The following PPP3CB variants were observed in gnomAD, a reference collection of about 807,000 sequenced individuals.
The protein encoded by PPP3CB is protein phosphatase 3 catalytic subunit beta, also known as serine/threonine-protein phosphatase 2B catalytic subunit beta isoform.
Under a neutral mutation model 66.4 loss-of-function variants are expected in PPP3CB, and 8 were observed. The ratio of observed to expected loss-of-function variants is 0.12; its 90% CI spans 0.07 to 0.22. The LOEUF (loss-of-function observed/expected upper bound fraction) is 0.22. Among genes scored for constraint, PPP3CB ranks in the 10% least tolerant of loss-of-function variants. The pLI is 1.00. For synonymous variants in PPP3CB, 208 were observed against 221.2 expected, an observed-to-expected ratio of 0.94 and a Z score of 0.53; for missense variants, 319 against 642.5, an observed-to-expected ratio of 0.50 and a Z score of 5.44.
chr10:73,437,855 A>G lies in PPP3CB; in HGVS notation c.*387T>C, dbSNP rs1054335308. On this transcript the variant is annotated 3_prime_UTR_variant, in exon 14 of 14. Coordinates refer to ENST00000360663, the MANE Select transcript of PPP3CB (RefSeq NM_021132.4). Reference sequence around the variant, plus strand: ...TAAAGACATTTCATGGAAAAAGAAAAGTCCACATTAGCTCTTAGGATTGCA... The same window carrying G: ...TAAAGACATTTCATGGAAAAAGAAAGGTCCACATTAGCTCTTAGGATTGCA... 6.2e-6 allele frequency: 1 copy of G among 161,438 alleles called. No individual in the cohort carries two copies. Among genetic ancestry groups the G allele is most frequent in the Admixed American group, 6.4e-5 (1 of 15,536 alleles). 10.0% of individuals were successfully genotyped at this position (161,438 alleles called of 1,614,324 possible). A position where few individuals can be genotyped will look rare whatever the true frequency, so the allele number is the denominator to read the frequency against.
At chr10:73,485,072 A>C (rs1184171134) in intron 1 of PPP3CB, among the ~76,000 whole-genome samples, 1 of 152,104 alleles carries the variant, frequency 6.6e-6, no homozygotes, top group Non-Finnish European at 1.5e-5. Context: ...CCAATCAAAC[A>C]AAAAAGAGAG....
intron 8 of PPP3CB, among the ~76,000 whole-genome samples, chr10:73,470,094 G>A (rs549898928): frequency 6.6e-6 from 1 of 152,078 alleles, no homozygotes; most frequent in South Asian, 2.1e-4. Flanking sequence ...AGGGAAGGTG[G>A]GGAAATGAAA....
At chr10:73,446,104 CT>C (rs1431302457) in intron 11 of PPP3CB, among the ~76,000 whole-genome samples, 1 of 148,270 alleles carries the variant, frequency 6.7e-6, no homozygotes, top group Non-Finnish European at 1.5e-5. Context: ...TGCTTTTTTT[CT>C]TTCTTTTTTT....
At position 73,438,387 on chromosome 10, in the gene PPP3CB, C is replaced by T; in HGVS notation, c.1430G>A (p.Cys477Tyr). 6.2e-7 allele frequency: 1 copy of T among 1,613,314 alleles called. No homozygotes were observed. The highest frequency in any genetic ancestry group is 8.5e-7 in the Non-Finnish European group (1 of 1,179,276). The change falls in exon 14 of 14, where the codon TGC becomes TAC. Residue 477 changes from cysteine (C) to tyrosine (Y), a missense_variant. Physicochemically the swap from Cys to Tyr is radical, Grantham distance 194. Around this residue, in one of 5 missense-constraint regions of PPP3CB, gnomAD observed 120 missense variants for 331.2 expected, o/e 0.36. Coordinates refer to ENST00000360663, the MANE Select transcript of PPP3CB (RefSeq NM_021132.4). ...IRGFSPPHRI[C>Y]SFEEAKGLDR... The stretch of plus-strand genomic sequence containing the variant: ...CAAACCCTTTGCCTCTTCAAAACTG[C>T]AGATTCTATGTGGTGGAGAGAATCC...
chr10:73,436,527 A>C lies in PPP3CB; in HGVS notation c.*1715T>G, dbSNP rs991522741. 1.3e-5 allele frequency: 2 copies of C among 152,204 alleles called. No homozygotes were observed. Among genetic ancestry groups the C allele is most frequent in the African/African-American group, 4.8e-5 (2 of 41,444 alleles). 9.4% of individuals were successfully genotyped at this position (152,204 alleles called of 1,614,324 possible). A position where few individuals can be genotyped will look rare whatever the true frequency, so the allele number is the denominator to read the frequency against. On this transcript the variant is annotated 3_prime_UTR_variant, in exon 14 of 14. Transcript: ENST00000360663. The stretch of plus-strand genomic sequence containing the variant: ...GACAATAACATATTTTCTTTCAATT[A>C]AAAGACAATAAACAGTGATCTTAAA...
chr10:73,491,684 C>CT (rs1178960510), intron 1 of PPP3CB, among the ~76,000 whole-genome samples: 1 of 152,036 alleles, frequency 6.6e-6, no homozygotes, highest in Non-Finnish European at 1.5e-5. Flanking sequence ...AATAAGTAAT[C>CT]TGGCTAGGCA....
At chr10:73,446,458 T>A (rs897109185) in intron 11 of PPP3CB, 34 bp downstream of exon 11, 1 of 1,583,022 alleles carries the variant, frequency 6.3e-7, no homozygotes, top group Non-Finnish European at 8.7e-7. Flanking sequence ...ACGTAATTTC[T>A]GCAAAACAAA....
chr10:73,481,660 C>G (rs11000672), intron 1 of PPP3CB, among the ~76,000 whole-genome samples: 1 of 151,022 alleles, frequency 6.6e-6, no homozygotes, highest in South Asian at 2.1e-4. Context: ...GGTTAGATTC[C>G]TATCAATTAC....
intron 1 of PPP3CB, among the ~76,000 whole-genome samples, chr10:73,494,504 A>G (rs2057140471): frequency 6.6e-6 from 1 of 152,114 alleles, no homozygotes; most frequent in Non-Finnish European, 1.5e-5. Context: ...CATGTTGCCC[A>G]GGCTGGTCTC....
chr10:73,480,089 A>G (rs980208841), intron 1 of PPP3CB, among the ~76,000 whole-genome samples: 7 of 152,238 alleles, frequency 4.6e-5, no homozygotes, highest in African/African-American at 1.7e-4. Flanking sequence ...TCTAATAAGA[A>G]CATAAAAACA....
intron 10 of PPP3CB, among the ~76,000 whole-genome samples, chr10:73,447,606 A>T (rs1295277323): frequency 6.6e-6 from 1 of 152,222 alleles, no homozygotes; most frequent in Non-Finnish European, 1.5e-5. Context: ...AACAACTGTA[A>T]GTCTTCTGGG....
intron 9 of PPP3CB, among the ~76,000 whole-genome samples, chr10:73,458,388 C>T (rs545032407): frequency 5.1e-4 from 78 of 152,170 alleles, no homozygotes; most frequent in African/African-American, 1.8e-3. Context: ...CCACCCGCCC[C>T]GGCCTCCCAA....
At chr10:73,463,902 T>C (rs980875729) in intron 9 of PPP3CB, among the ~76,000 whole-genome samples, 1 of 151,898 alleles carries the variant, frequency 6.6e-6, no homozygotes, top group African/African-American at 2.4e-5. Context: ...CCCAAAGTGC[T>C]GAGATTACAG....
At chr10:73,453,855 C>T (rs545499169) in intron 10 of PPP3CB, among the ~76,000 whole-genome samples, 40 of 152,132 alleles carry the variant, frequency 2.6e-4, no homozygotes, top group Non-Finnish European at 4.4e-4. Flanking sequence ...TATAAACATG[C>T]ATTAGGTACA....
At chr10:73,457,610 T>C (rs1446976957) in intron 9 of PPP3CB, among the ~76,000 whole-genome samples, 2 of 151,888 alleles carry the variant, frequency 1.3e-5, no homozygotes, top group Non-Finnish European at 2.9e-5. Context: ...TGGTGGCACA[T>C]GCCTGTAATC....
At chr10:73,488,894 A>C (rs1316932489) in intron 1 of PPP3CB, among the ~76,000 whole-genome samples, 1 of 152,204 alleles carries the variant, frequency 6.6e-6, no homozygotes, top group Non-Finnish European at 1.5e-5. Flanking sequence ...ATACTAGTTC[A>C]AGTTCTTATC....
rs530923400 is a variant in PPP3CB at position 73,462,444 on chromosome 10, T to A, written c.1108+5109A>T. Among the ~76,000 whole-genome samples, 24 of 152,198 alleles carry A rather than the reference T, an allele frequency of 1.6e-4. No homozygotes were observed. In the South Asian group the frequency reaches 5.0e-3, roughly 32 times the overall value. Reference sequence around the variant, plus strand: ...AGGGTCCTACTGGGAGCTCAGCTAATGTTATAAATCAAGGGGTGGTGCCAA... The same window carrying A: ...AGGGTCCTACTGGGAGCTCAGCTAAAGTTATAAATCAAGGGGTGGTGCCAA... On this transcript the variant is annotated intron_variant, in intron 9 of 13. Transcript: ENST00000360663.
At chr10:73,485,545 T>C (rs1002333593) in intron 1 of PPP3CB, among the ~76,000 whole-genome samples, 12 of 152,208 alleles carry the variant, frequency 7.9e-5, no homozygotes, top group African/African-American at 2.9e-4. Flanking sequence ...AATCTCATCA[T>C]GCTTCCCATC....
chr10:73,444,692 T>A, intron 12 of PPP3CB, 33 bp downstream of exon 12: 3 of 1,613,766 alleles, frequency 1.9e-6, no homozygotes, highest in Non-Finnish European at 2.5e-6. Flanking sequence ...CCCCAGTCCA[T>A]CTGAGGCACA....
Sources: allele counts gnomAD v4.1 joint callset (sites outside exome capture counted in the v4.1 genomes callset), GRCh38; gene constraint gnomAD v4.1.1; regional missense constraint gnomAD v4.1.1; transcripts MANE v1.5; gene names NCBI Gene and HGNC (gene_info 2026-07-23, HGNC 2026-07-21).